The following MRC1 variants were observed in gnomAD, a reference collection of about 807,000 sequenced individuals.
MRC1 encodes the protein macrophage mannose receptor 1.
A neutral mutation model predicts 102.9 loss-of-function variants in MRC1; 62 were observed. That is an observed-to-expected ratio of 0.60 (90% CI 0.49 to 0.74). The LOEUF is 0.74. Ranked by LOEUF, MRC1 falls within the 30% of genes least tolerant of loss-of-function variation. The pLI, the probability that MRC1 is intolerant of heterozygous loss-of-function variation, is 0.00. For synonymous variants in MRC1, 457 were observed against 298.4 expected, an observed-to-expected ratio of 1.53 and a Z score of -5.48; for missense variants, 1,237 against 862.8, an observed-to-expected ratio of 1.43 and a Z score of -5.43.
In MRC1 at chr10:17,908,710, A is replaced by G. The variant is rs894620665; in HGVS notation, c.4079-596A>G. 1.7e-4 allele frequency among the ~76,000 whole-genome samples: 26 copies of G among 152,296 alleles called. 1 individual carries two copies. In the East Asian group the frequency reaches 4.2e-3, roughly 25 times the overall value. On this transcript the variant is annotated intron_variant, in intron 28 of 29. Coordinates refer to ENST00000569591, the MANE Select transcript of MRC1 (RefSeq NM_002438.4). ...CAGCCTCCCAAGTAGCTGGGATTAC[A>G]GGCGCACGCCACTATGCCCAGCTAA... is the stretch of plus-strand genomic sequence containing the variant.
At chr10:17,824,863 A>T (rs895444053) in intron 2 of MRC1, among the ~76,000 whole-genome samples, 8 of 152,106 alleles carry the variant, frequency 5.3e-5, no homozygotes, top group Admixed American at 4.6e-4. Context: ...TGGTTTTGAG[A>T]CAAATATACA....
chr10:17,837,734 G>T (rs924049459), intron 4 of MRC1, among the ~76,000 whole-genome samples: 2 of 151,824 alleles, frequency 1.3e-5, no homozygotes, highest in Admixed American at 1.3e-4. Context: ...CTGAGTAGCT[G>T]GGGCTACAGG....
chr10:17,812,608 G>A (rs1049933530), intron 1 of MRC1, among the ~76,000 whole-genome samples: 1 of 117,976 alleles, frequency 8.5e-6, no homozygotes, highest in Admixed American at 1.2e-4. Context: ...GTCTCTCTCT[G>A]TCACCCAGCC....
In MRC1 at chr10:17,809,482, T is replaced by C; in HGVS notation, c.17T>C (p.Leu6Pro). The change falls in exon 1 of 30, where the codon CTC (leucine) becomes CCC (proline). Residue 6 changes from leucine to proline, a missense_variant. Leu to Pro is a moderately conservative substitution (Grantham distance 98). Coordinates refer to ENST00000569591, the MANE Select transcript of MRC1 (RefSeq NM_002438.4). ...CCCTGGGCCATGAGGCTACCCCTGC[T>C]CCTGGTTTTTGCCTCTGTCATTCCG... MRLPL[L>P]LVFASVIPGA... The C allele has an allele frequency of 1.1e-6, 1 of 872,774 alleles. No individual in the cohort carries two copies. The highest frequency in any genetic ancestry group is 2.0e-6 in the Non-Finnish European group (1 of 501,512). The allele number at this position is 872,774 out of a possible 1,614,324, so 54.1% of individuals were successfully genotyped here.
Position 17,827,630 on chromosome 10 carries a change from T to G in MRC1, c.552T>G (p.Ser184Arg), listed in dbSNP as rs953995875. The G allele has an allele frequency of 7.6e-5, 59 of 780,808 alleles. No individual in the cohort carries two copies. Among genetic ancestry groups the G allele is most frequent in the Middle Eastern group, 4.5e-4 (2 of 4,436 alleles). 48.4% of individuals were successfully genotyped at this position (780,808 alleles called of 1,614,324 possible). Residue 184 changes from serine to arginine, a missense_variant, in exon 3 of 30, where the codon AGT becomes AGG. Ser to Arg is a moderately radical substitution (Grantham distance 110). Coordinates refer to ENST00000569591, the MANE Select transcript of MRC1 (RefSeq NM_002438.4). Reference sequence around the variant, plus strand: ...ACAAGTGGTACGCAGATTGCACGAGTGCTGGGCGGTCGGATGGATGGCTCT... The same window carrying G: ...ACAAGTGGTACGCAGATTGCACGAGGGCTGGGCGGTCGGATGGATGGCTCT... ...FENKWYADCT[S>R]AGRSDGWLWC...
intron 2 of MRC1, among the ~76,000 whole-genome samples, chr10:17,824,829 C>T (rs1308579843): frequency 3.3e-5 from 5 of 151,892 alleles, no homozygotes; most frequent in Non-Finnish European, 7.4e-5. Context: ...CTTCCCTCAC[C>T]CCCTACCCTT....
chr10:17,907,849 A>G (rs578113629), intron 28 of MRC1, 151 bp downstream of exon 28: 2 of 701,120 alleles, frequency 2.9e-6, no homozygotes, highest in African/African-American at 1.8e-5. Flanking sequence ...GTTGTAGTTC[A>G]TTACTGTTTG....
At chr10:17,888,262 G>T (rs1472110171) in intron 22 of MRC1, among the ~76,000 whole-genome samples, 1 of 152,176 alleles carries the variant, frequency 6.6e-6, no homozygotes, top group Non-Finnish European at 1.5e-5. Flanking sequence ...CAGGATAATG[G>T]GGGGTAAAAA....
intron 23 of MRC1, among the ~76,000 whole-genome samples, chr10:17,895,971 G>T (rs1363302943): frequency 6.6e-6 from 1 of 152,200 alleles, no homozygotes; most frequent in African/African-American, 2.4e-5. Context: ...TTTGGAAAAG[G>T]AATGGTAACT....
rs944364838 is a variant in MRC1, at chr10:17,898,394, C to T, written c.3483+128C>T. 31 of 749,130 alleles carry T rather than the reference C, an allele frequency of 4.1e-5. No homozygotes were observed. In the African/African-American group the frequency reaches 5.1e-4, roughly 12 times the overall value. The allele number at this position is 749,130 out of a possible 1,614,324, so 46.4% of individuals were successfully genotyped here. A position where few individuals can be genotyped will look rare whatever the true frequency, so the allele number is the denominator to read the frequency against. On this transcript the variant is annotated intron_variant, in intron 24 of 29. Coordinates refer to ENST00000569591, the MANE Select transcript of MRC1 (RefSeq NM_002438.4). The stretch of plus-strand genomic sequence containing the variant: ...ACTGTGCTAGGCAATGTGAATGATA[C>T]TAACATCAACAAGATCCAATCTTTC...
intron 13 of MRC1, among the ~76,000 whole-genome samples, chr10:17,870,577 T>A (rs1833339823): frequency 1.3e-5 from 2 of 152,164 alleles, no homozygotes; most frequent in African/African-American, 4.8e-5. Context: ...TATGACTTGG[T>A]CTATAAAAGT....
chr10:17,840,593 A>G, intron 4 of MRC1, 100 bp from the exon 5 acceptor site: 1 of 754,530 alleles, frequency 1.3e-6, no homozygotes, highest in Non-Finnish European at 2.5e-6. Context: ...TACTTCCCTC[A>G]GTGACATTTT....
chr10:17,869,572 A>C (rs2130674316), intron 12 of MRC1, among the ~76,000 whole-genome samples: 1 of 152,204 alleles, frequency 6.6e-6, no homozygotes, highest in Admixed American at 6.5e-5. Context: ...TGTTGACTGC[A>C]TTTCACTATT....
chr10:17,852,070 AC>A (rs1231297796), intron 7 of MRC1, among the ~76,000 whole-genome samples: 28 of 152,220 alleles, frequency 1.8e-4, no homozygotes, highest in African/African-American at 6.5e-4. Flanking sequence ...GTATTCTTTA[AC>A]TTTTTTTAAT....
At chr10:17,861,993 T>C (rs906313203) in intron 10 of MRC1, among the ~76,000 whole-genome samples, 2 of 152,222 alleles carry the variant, frequency 1.3e-5, no homozygotes, top group Non-Finnish European at 2.9e-5. Flanking sequence ...GGAGCTTATG[T>C]AATTTTTTAT....
chr10:17,861,981 G>A (rs1046170232), intron 10 of MRC1, among the ~76,000 whole-genome samples: 1 of 152,180 alleles, frequency 6.6e-6, no homozygotes, highest in African/African-American at 2.4e-5. Context: ...CATGGACATA[G>A]AGGAGCTTAT....
intron 9 of MRC1, among the ~76,000 whole-genome samples, chr10:17,857,192 T>C (rs1445038167): frequency 2.0e-5 from 3 of 152,194 alleles, no homozygotes; most frequent in African/African-American, 7.2e-5. Flanking sequence ...ACAAAGGACC[T>C]GGGTGATTTC....
chr10:17,906,250 G>A (rs1833893223), intron 26 of MRC1, among the ~76,000 whole-genome samples: 1 of 150,530 alleles, frequency 6.6e-6, no homozygotes, highest in Non-Finnish European at 1.5e-5. Flanking sequence ...TCACCACATT[G>A]CTCTTAATAC....
chr10:17,871,053 G>A lies in MRC1; in HGVS notation c.2199+118G>A, dbSNP rs1287878908. The A allele has an allele frequency of 2.2e-5, 16 of 739,530 alleles. No individual in the cohort carries two copies. In the Admixed American group the frequency reaches 3.4e-4, roughly 16 times the overall value. The allele number at this position is 739,530 out of a possible 1,614,324, so 45.8% of individuals were successfully genotyped here. The stretch of plus-strand genomic sequence containing the variant: ...AGTTCATTATGATAGCCACTATCCT[G>A]CCATGCAAAATTGATGTGCAGGTAA... On this transcript the variant is annotated intron_variant, in intron 14 of 29. Coordinates refer to ENST00000569591, the MANE Select transcript of MRC1 (RefSeq NM_002438.4).
Sources: gnomAD v4.1 joint callset for allele counts (sites outside exome capture counted in the v4.1 genomes callset) on GRCh38, gnomAD v4.1.1 for gene constraint, MANE v1.5 for transcripts, NCBI Gene and HGNC (gene_info 2026-07-23, HGNC 2026-07-21) for gene names.